The following RIMS1 variants were observed in gnomAD, a reference collection of about 807,000 sequenced individuals.
RIMS1 encodes the protein regulating synaptic membrane exocytosis 1.
A neutral mutation model predicts 214.1 loss-of-function variants in RIMS1; 83 were observed. The observed-to-expected ratio is 0.39, with a 90% CI of 0.32 to 0.47. The LOEUF (loss-of-function observed/expected upper bound fraction) is 0.47, where lower values mean the gene tolerates loss of function less well. RIMS1 is among the 20% of genes least tolerant of loss of function. The pLI, the probability that RIMS1 is intolerant of heterozygous loss-of-function variation, is 0.99. For missense variants in RIMS1, 2,050 were observed against 2,161.8 expected, an observed-to-expected ratio of 0.95 and a Z score of 1.03; for synonymous variants, 793 against 786.8, an observed-to-expected ratio of 1.01 and a Z score of -0.13.
chr6:72,265,830 C>A (rs2080264694), intron 21 of RIMS1, 130 bp from the exon 22 acceptor site: 3 of 662,958 alleles, frequency 4.5e-6, no homozygotes, highest in Admixed American at 5.8e-5. Flanking sequence ...CCCTTATGAA[C>A]TGAATCCCAG....
chr6:72,037,051 A>G (rs938138022), intron 2 of RIMS1, among the ~76,000 whole-genome samples: 2 of 150,962 alleles, frequency 1.3e-5, no homozygotes, highest in Non-Finnish European at 2.9e-5. Flanking sequence ...CAGGCCCAGA[A>G]CCCTTTGCCA....
intron 6 of RIMS1, among the ~76,000 whole-genome samples, chr6:72,207,290 G>C (rs2053091923): frequency 6.6e-6 from 1 of 152,184 alleles, no homozygotes; most frequent in African/African-American, 2.4e-5. Flanking sequence ...TAGAAAAGTA[G>C]AATGATGTGT....
intron 2 of RIMS1, among the ~76,000 whole-genome samples, chr6:72,060,819 C>T (rs1827654152): frequency 6.6e-6 from 1 of 152,150 alleles, no homozygotes; most frequent in South Asian, 2.1e-4. Flanking sequence ...TTATGTGTGA[C>T]CAAGGCTTTT....
In RIMS1 at chr6:72,164,900, G is replaced by T. The variant is rs577441028; in HGVS notation, c.472-14675G>T. Among the ~76,000 whole-genome samples the T allele has an allele frequency of 5.3e-5, 8 of 152,236 alleles. No individual in the cohort carries two copies. The South Asian group carries it at 1.7e-3, about 32-fold the overall frequency. On this transcript the variant is annotated intron_variant, in intron 4 of 33. Coordinates refer to ENST00000521978, the MANE Select transcript of RIMS1 (RefSeq NM_014989.7). ...CCCATCATTGAGGTTTCACACTTAT[G>T]ACCTCAAGTAAACCTAATTACCCTC...
chr6:72,203,188 C>T (rs1370155507), intron 6 of RIMS1, among the ~76,000 whole-genome samples: 5 of 151,970 alleles, frequency 3.3e-5, no homozygotes, highest in South Asian at 2.1e-4. Context: ...GGGGTTTCAC[C>T]GTGTTAGCCA....
intron 28 of RIMS1, among the ~76,000 whole-genome samples, chr6:72,325,252 C>G (rs2096398215): frequency 6.6e-6 from 1 of 151,508 alleles, no homozygotes; most frequent in East Asian, 1.9e-4. Context: ...AGACCCCAAA[C>G]AAAATTTTAG....
At chr6:72,146,564 T>C (rs543828886) in intron 4 of RIMS1, among the ~76,000 whole-genome samples, 3 of 152,352 alleles carry the variant, frequency 2.0e-5, no homozygotes, top group African/African-American at 7.2e-5. Context: ...TGTGCTTTTA[T>C]TTCAGTGTTC....
At chr6:71,927,069 C>T in intron 1 of RIMS1, among the ~76,000 whole-genome samples, 1 of 151,958 alleles carries the variant, frequency 6.6e-6, no homozygotes, top group East Asian at 1.9e-4. Context: ...TTTATCTGAA[C>T]TGATTAGAGG....
intron 6 of RIMS1, among the ~76,000 whole-genome samples, chr6:72,220,026 C>T (rs1339994894): frequency 6.6e-6 from 1 of 151,950 alleles, no homozygotes; most frequent in Non-Finnish European, 1.5e-5. Flanking sequence ...TGGAGTGTTG[C>T]TAGGTCATGA....
intron 6 of RIMS1, among the ~76,000 whole-genome samples, chr6:72,210,828 T>G (rs543036698): frequency 1.3e-5 from 2 of 152,286 alleles, no homozygotes; most frequent in South Asian, 4.1e-4. Context: ...TTCTATGTAT[T>G]TTTTCTTTTA....
intron 6 of RIMS1, among the ~76,000 whole-genome samples, chr6:72,191,147 C>G (rs2153980990): frequency 6.6e-6 from 1 of 152,260 alleles, no homozygotes; most frequent in Middle Eastern, 3.4e-3. Flanking sequence ...TATTCTGGAC[C>G]CCACTCAAAA....
At chr6:72,235,547 T>C (rs1216084193) in intron 7 of RIMS1, 71 bp from the exon 8 acceptor site, 2 of 970,242 alleles carry the variant, frequency 2.1e-6, no homozygotes, top group Non-Finnish European at 1.6e-6. Context: ...TGACAAGACT[T>C]CATTCTTTTT....
At chr6:72,177,530 G>A (rs899824097) in intron 4 of RIMS1, among the ~76,000 whole-genome samples, 8 of 152,172 alleles carry the variant, frequency 5.3e-5, no homozygotes, top group Non-Finnish European at 1.2e-4. Context: ...GGGATTACAG[G>A]TGTCAGCCAC....
intron 1 of RIMS1, among the ~76,000 whole-genome samples, chr6:71,929,858 C>G (rs750467615): frequency 6.6e-6 from 1 of 151,634 alleles, no homozygotes; most frequent in Non-Finnish European, 1.5e-5. Flanking sequence ...CTCTGTAAAA[C>G]TTGGTGTGAA....
intron 29 of RIMS1, 81 bp from the exon 30 acceptor site, chr6:72,390,517 A>G (rs2098686169): frequency 2.2e-6 from 3 of 1,359,728 alleles, no homozygotes; most frequent in Non-Finnish European, 3.0e-6. Context: ...AAAATTAACT[A>G]TTGTATTTGC....
chr6:71,893,069 A>C (rs1358349366), intron 1 of RIMS1, among the ~76,000 whole-genome samples: 1 of 152,246 alleles, frequency 6.6e-6, no homozygotes, highest in Non-Finnish European at 1.5e-5. Flanking sequence ...TGCTGTTTCC[A>C]AGAAAGGTGC....
chr6:72,073,257 A>C (rs892708066), intron 2 of RIMS1, among the ~76,000 whole-genome samples: 4 of 152,078 alleles, frequency 2.6e-5, no homozygotes, highest in African/African-American at 9.7e-5. Flanking sequence ...AGCTCTTGTC[A>C]CTCTAAACAT....
chr6:72,087,337 T>C (rs1228687284), intron 2 of RIMS1, among the ~76,000 whole-genome samples: 5 of 152,182 alleles, frequency 3.3e-5, no homozygotes, highest in Admixed American at 6.5e-5. Flanking sequence ...TTAGTGCCCT[T>C]CACAGACATT....
At chr6:72,159,737 C>T (rs2045033760) in intron 4 of RIMS1, among the ~76,000 whole-genome samples, 1 of 139,744 alleles carries the variant, frequency 7.2e-6, no homozygotes, top group Admixed American at 7.3e-5. Flanking sequence ...CTGTTCTGTT[C>T]CATTGATCTA....
Sources: allele counts gnomAD v4.1 joint callset (sites outside exome capture counted in the v4.1 genomes callset), GRCh38; gene constraint gnomAD v4.1.1; transcripts MANE v1.5; gene names NCBI Gene and HGNC (gene_info 2026-07-23, HGNC 2026-07-21).